The following ST3GAL2 variants were observed in gnomAD, a reference collection of about 807,000 sequenced individuals.
The protein encoded by ST3GAL2 is CMP-N-acetylneuraminate-beta-galactosamide-alpha-2,3-sialyltransferase 2.
Under a neutral mutation model 37.5 loss-of-function variants are expected in ST3GAL2, and 16 were observed. The ratio of observed to expected loss-of-function variants is 0.43; its 90% CI spans 0.29 to 0.65. ST3GAL2 has a LOEUF of 0.65. ST3GAL2 is among the 30% of genes least tolerant of loss of function. ST3GAL2 has a pLI of 0.17. For synonymous variants in ST3GAL2, 238 were observed against 202.9 expected, an observed-to-expected ratio of 1.17 and a Z score of -1.47; for missense variants, 383 against 487.8, an observed-to-expected ratio of 0.79 and a Z score of 2.02.
At chr16:70,401,071 G>A (rs1486250168) in intron 1 of ST3GAL2, 1 of 152,242 alleles carries the variant, frequency 6.6e-6, no homozygotes, top group Non-Finnish European at 1.5e-5. Context: ...TTCTTTCAGG[G>A]TCCCGCTCCC....
intron 4 of ST3GAL2, among the ~76,000 whole-genome samples, chr16:70,384,956 C>G (rs910297706): frequency 2.0e-5 from 3 of 151,272 alleles, no homozygotes; most frequent in African/African-American, 7.3e-5. Context: ...TTGCAGTGAG[C>G]CAAGATCATG....
intron 1 of ST3GAL2, among the ~76,000 whole-genome samples, chr16:70,410,812 T>A (rs1452542960): frequency 6.7e-6 from 1 of 149,858 alleles, no homozygotes; most frequent in African/African-American, 2.5e-5. Flanking sequence ...GATCCTGTTT[T>A]TTTTTTTTTT....
chr16:70,402,370 A>C (rs1430673722), intron 1 of ST3GAL2, among the ~76,000 whole-genome samples: 2 of 152,082 alleles, frequency 1.3e-5, no homozygotes, highest in Non-Finnish European at 2.9e-5. Context: ...CCGGTTTCAG[A>C]CATTAACAGG....
At chr16:70,434,855 C>A (rs1383585885) in intron 1 of ST3GAL2, among the ~76,000 whole-genome samples, 2 of 152,344 alleles carry the variant, frequency 1.3e-5, no homozygotes, top group Non-Finnish European at 2.9e-5. Context: ...TCCTCAGTAA[C>A]CCTACCTGGG....
intron 1 of ST3GAL2, among the ~76,000 whole-genome samples, chr16:70,418,088 A>G (rs1015244857): frequency 6.6e-6 from 1 of 152,148 alleles, no homozygotes; most frequent in Non-Finnish European, 1.5e-5. Flanking sequence ...ACTCGTCTGC[A>G]TGTCTGGAGA....
chr16:70,388,550 C>CA lies in ST3GAL2; in HGVS notation c.534-5dup, dbSNP rs2047458664. 6.3e-7 allele frequency: 1 copy of CA among 1,575,724 alleles called. No homozygotes were observed. On this transcript the variant is annotated splice_region_variant and splice_polypyrimidine_tract_variant and intron_variant, in intron 3 of 6. Transcript: ENST00000342907. ...CACGGTTGGCGCCTGATTCATCCTG[C>CA]AGGGACAAGAGGGTGACATGAGAAT...
intron 1 of ST3GAL2, among the ~76,000 whole-genome samples, chr16:70,416,568 A>T (rs1267327323): frequency 6.6e-6 from 1 of 152,214 alleles, no homozygotes; most frequent in African/African-American, 2.4e-5. Context: ...ATCTCTCTAC[A>T]TAAGCCCAGG....
chr16:70,381,715 T>C lies in ST3GAL2; in HGVS notation c.1027A>G (p.Lys343Glu), dbSNP rs1172537398. 1 of 1,613,988 alleles carries C rather than the reference T, an allele frequency of 6.2e-7. No homozygotes were observed. Among genetic ancestry groups the C allele is most frequent in the Non-Finnish European group, 8.5e-7 (1 of 1,179,942 alleles). Residue 343 changes from lysine to glutamate, a missense_variant, in exon 7 of 7, where the codon AAG becomes GAG. By Grantham distance (56) the Lys-to-Glu change is moderately conservative (BLOSUM62 1). This residue lies in a region of ST3GAL2 where 160 missense variants were observed against 248.6 expected (regional missense o/e 0.64). Coordinates refer to ENST00000342907, the MANE Select transcript of ST3GAL2 (RefSeq NM_006927.4). The part of the protein sequence containing the change: ...HIIDMLAKAS[K>E]IEVYRGN ...CAGTTGCCCCGGTAGACTTCGATCT[T>C]GCTGGCCTTGGCCAGCATGTCGATG...
intron 1 of ST3GAL2, among the ~76,000 whole-genome samples, chr16:70,409,867 T>C (rs1473529588): frequency 6.6e-6 from 1 of 150,602 alleles, no homozygotes; most frequent in Admixed American, 6.6e-5. Context: ...AGGCTGGACT[T>C]GAACTCTCAG....
chr16:70,414,442 T>A (rs935373448), intron 1 of ST3GAL2, among the ~76,000 whole-genome samples: 2 of 152,176 alleles, frequency 1.3e-5, no homozygotes, highest in African/African-American at 2.4e-5. Flanking sequence ...TTCAGTCTCT[T>A]CCACACCATT....
chr16:70,427,590 G>C (rs1334959493), intron 1 of ST3GAL2, among the ~76,000 whole-genome samples: 1 of 152,136 alleles, frequency 6.6e-6, no homozygotes, highest in South Asian at 2.1e-4. Context: ...GCCCGCCTCA[G>C]CCTCCCAAAG....
At chr16:70,419,424 G>A (rs1169615078) in intron 1 of ST3GAL2, among the ~76,000 whole-genome samples, 2 of 152,210 alleles carry the variant, frequency 1.3e-5, no homozygotes, top group African/African-American at 2.4e-5. Flanking sequence ...CAGGGGCCCC[G>A]GCAGCAGGGG....
intron 2 of ST3GAL2, among the ~76,000 whole-genome samples, chr16:70,396,616 C>T (rs1220012926): frequency 6.6e-6 from 1 of 152,134 alleles, no homozygotes; most frequent in Non-Finnish European, 1.5e-5. Flanking sequence ...CAGTAAGAGC[C>T]CACGGGGCTC....
chr16:70,430,753 A>G (rs2047784208), intron 1 of ST3GAL2, among the ~76,000 whole-genome samples: 1 of 152,138 alleles, frequency 6.6e-6, no homozygotes, highest in Admixed American at 6.6e-5. Flanking sequence ...CCCAGGACTC[A>G]CACTGCTCCC....
intron 6 of ST3GAL2, 89 bp from the exon 7 acceptor site, chr16:70,381,951 C>T (rs1463504696): frequency 6.5e-7 from 1 of 1,536,616 alleles, no homozygotes; most frequent in African/African-American, 1.4e-5. Flanking sequence ...GGAGAGGGGA[C>T]GGGAGGCCCC....
Position 70,398,532 on chromosome 16 carries a change from G to A in ST3GAL2, c.-2C>T. On this transcript the variant is annotated 5_prime_UTR_variant, in exon 2 of 7. Coordinates refer to ENST00000342907, the MANE Select transcript of ST3GAL2 (RefSeq NM_006927.4). ...CCACACCCGCAGGGAGCACTTCATGGTGCCGGCAGGCGGGTGACGGTCACC... is the reference window on the plus strand; with the variant it reads ...CCACACCCGCAGGGAGCACTTCATGATGCCGGCAGGCGGGTGACGGTCACC... 6.3e-7 allele frequency: 1 copy of A among 1,591,214 alleles called. No homozygotes were observed.
chr16:70,382,472 T>C (rs563224383), intron 6 of ST3GAL2, among the ~76,000 whole-genome samples: 2 of 151,964 alleles, frequency 1.3e-5, no homozygotes, highest in Non-Finnish European at 2.9e-5. Context: ...TTAGTAGAGA[T>C]GGGGCTTCAC....
rs1160675090 is a variant in ST3GAL2, at chr16:70,376,143, C to T, written c.*5546G>A. 1 of 152,252 alleles carries T rather than the reference C, an allele frequency of 6.6e-6. No individual in the cohort carries two copies. Among genetic ancestry groups the T allele is most frequent in the Non-Finnish European group, 1.5e-5 (1 of 68,048 alleles). The allele number at this position is 152,252 out of a possible 1,614,324, so 9.4% of individuals were successfully genotyped here. ...ATGGCCCTGCGAAGGGGCAGCGTCTCTTCCCTCTGTGGTCCCCTTTACCCA... is the reference window on the plus strand; with the variant it reads ...ATGGCCCTGCGAAGGGGCAGCGTCTTTTCCCTCTGTGGTCCCCTTTACCCA... On this transcript the variant is annotated 3_prime_UTR_variant, in exon 7 of 7. Coordinates refer to ENST00000342907, the MANE Select transcript of ST3GAL2 (RefSeq NM_006927.4).
chr16:70,397,287 C>T (rs753863376), intron 2 of ST3GAL2, among the ~76,000 whole-genome samples: 14 of 151,556 alleles, frequency 9.2e-5, no homozygotes, highest in Non-Finnish European at 1.6e-4. Context: ...ATGATCCGTC[C>T]GCCCTGTGCT....
Sources: gnomAD v4.1 joint callset for allele counts (sites outside exome capture counted in the v4.1 genomes callset) on GRCh38, gnomAD v4.1.1 for gene constraint, gnomAD v4.1.1 regional missense constraint, MANE v1.5 for transcripts, NCBI Gene and HGNC (gene_info 2026-07-23, HGNC 2026-07-21) for gene names.